The following TBC1D10A variants were observed in gnomAD, a reference collection of about 807,000 sequenced individuals.
The protein encoded by TBC1D10A is TBC1 domain family member 10A, also known as EBP50-PDX interactor of 64 kDa.
In TBC1D10A, 24 loss-of-function variants were observed where a neutral mutation model predicts 52.9. The observed-to-expected ratio is 0.45, with a 90% CI of 0.33 to 0.64. TBC1D10A has a LOEUF of 0.64. Ranked by LOEUF, TBC1D10A falls within the 30% of genes least tolerant of loss-of-function variation. The pLI, the probability that TBC1D10A is intolerant of heterozygous loss-of-function variation, is 0.02. For missense variants in TBC1D10A, 602 were observed against 687.9 expected, an observed-to-expected ratio of 0.88 and a Z score of 1.40; for synonymous variants, 278 against 282.9, an observed-to-expected ratio of 0.98 and a Z score of 0.17.
chr22:30,294,724 A>G, intron 6 of TBC1D10A, 72 bp downstream of exon 6: 1 of 1,601,424 alleles, frequency 6.2e-7, no homozygotes, highest in South Asian at 1.1e-5. Flanking sequence ...AGGAGTTACT[A>G]TGAGAGAAGG....
In TBC1D10A at chr22:30,292,575, C is replaced by T; in HGVS notation, c.1327G>A (p.Gly443Arg). The T allele has an allele frequency of 1.2e-6, 2 of 1,613,778 alleles. No individual in the cohort carries two copies. The highest frequency in any genetic ancestry group is 1.7e-6 in the Non-Finnish European group (2 of 1,179,906). ...GGGGCTGGGGGCTTCTCCAGCTGCC[C>T]TCTCCCCTTCATCTGTTTCCGCTGC... ...KEQRKQMKGRGQLEKPPAPNQ... is the reference protein window; with the variant it reads ...KEQRKQMKGRRQLEKPPAPNQ... The change falls in exon 9 of 9, where the codon GGG (glycine) becomes AGG (arginine). Residue 443 changes from glycine to arginine, a missense_variant. Around this residue, in one of 3 missense-constraint regions of TBC1D10A, gnomAD observed 265 missense variants for 275.1 expected, o/e 0.96. Coordinates refer to ENST00000215790, the MANE Select transcript of TBC1D10A (RefSeq NM_031937.3).
intron 1 of TBC1D10A, among the ~76,000 whole-genome samples, chr22:30,313,663 A>C (rs1930476417): frequency 7.0e-6 from 1 of 143,220 alleles, no homozygotes. Flanking sequence ...AGCCTCCCAA[A>C]GTGTAGGGAT....
intron 1 of TBC1D10A, among the ~76,000 whole-genome samples, chr22:30,308,339 C>T (rs967202578): frequency 2.0e-5 from 3 of 151,696 alleles, no homozygotes; most frequent in Non-Finnish European, 4.4e-5. Context: ...TGCATGCCTG[C>T]CTGCCTGCCT....
intron 1 of TBC1D10A, among the ~76,000 whole-genome samples, chr22:30,314,901 C>T (rs930084827): frequency 1.3e-5 from 2 of 152,036 alleles, no homozygotes; most frequent in African/African-American, 4.8e-5. Flanking sequence ...CAAACTCAGA[C>T]TCCTTCCCCA....
chr22:30,300,755 C>A (rs9619096), intron 2 of TBC1D10A: 22,966 of 152,232 alleles, frequency 0.15, 2,311 homozygotes, highest in South Asian at 0.37. Flanking sequence ...CCACTCTCCT[C>A]TCGTTGACCC....
intron 1 of TBC1D10A, among the ~76,000 whole-genome samples, chr22:30,310,261 C>G (rs1030833920): frequency 6.6e-6 from 1 of 152,170 alleles, no homozygotes; most frequent in Non-Finnish European, 1.5e-5. Flanking sequence ...TAAATGTGTA[C>G]AAGGGCCCAG....
In TBC1D10A at chr22:30,306,791, G is replaced by A. The variant is rs530315465; in HGVS notation, c.210-2161C>T. 2.7e-3 allele frequency among the ~76,000 whole-genome samples: 417 copies of A among 152,300 alleles called. 19 individuals are homozygous for A. In the South Asian group the frequency reaches 0.082, roughly 30 times the overall value. On this transcript the variant is annotated intron_variant, in intron 1 of 8. Transcript: ENST00000215790. ...AGATGGTGAGAAGGAAGACACTGGA[G>A]GTCTGGCTGTACCCAGCACTCAGCG...
chr22:30,307,457 C>T (rs1930331850), intron 1 of TBC1D10A, among the ~76,000 whole-genome samples: 1 of 152,198 alleles, frequency 6.6e-6, no homozygotes, highest in African/African-American at 2.4e-5. Context: ...CTAAAGCTTT[C>T]TTCCCCACCT....
At chr22:30,302,758 AG>A (rs1930227527) in intron 2 of TBC1D10A, among the ~76,000 whole-genome samples, 1 of 152,224 alleles carries the variant, frequency 6.6e-6, no homozygotes, top group Non-Finnish European at 1.5e-5. Context: ...AGGAAAGAAA[AG>A]GGGAAGTGTC....
At chr22:30,293,031 G>T (rs9606715) in intron 8 of TBC1D10A, 180 bp from the exon 9 acceptor site, 16,069 of 679,648 alleles carry the variant, frequency 0.024, 275 homozygotes, top group East Asian at 0.06. Context: ...CTGAGTGCCA[G>T]GTGAGCTGGA....
intron 1 of TBC1D10A, among the ~76,000 whole-genome samples, chr22:30,314,853 C>T (rs1191237903): frequency 2.0e-5 from 3 of 150,632 alleles, no homozygotes; most frequent in East Asian, 3.9e-4. Context: ...AAAAAACCCA[C>T]AAAAAACCCA....
intron 1 of TBC1D10A, among the ~76,000 whole-genome samples, chr22:30,311,347 G>T (rs947895516): frequency 6.6e-6 from 1 of 152,152 alleles, no homozygotes; most frequent in Non-Finnish European, 1.5e-5. Context: ...TCTGTGAGTT[G>T]GTAGGAAAAA....
chr22:30,302,673 G>A (rs1196459311), intron 2 of TBC1D10A, among the ~76,000 whole-genome samples: 1 of 152,246 alleles, frequency 6.6e-6, no homozygotes, highest in Non-Finnish European at 1.5e-5. Flanking sequence ...GGGCCTCTGG[G>A]CACGGTGGAT....
At chr22:30,309,795 A>C (rs1274223439) in intron 1 of TBC1D10A, among the ~76,000 whole-genome samples, 1 of 152,232 alleles carries the variant, frequency 6.6e-6, no homozygotes, top group Non-Finnish European at 1.5e-5. Context: ...ACTGAGACCA[A>C]GGGCTGGGGT....
At chr22:30,316,294 T>C (rs1172003043) in intron 1 of TBC1D10A, among the ~76,000 whole-genome samples, 3 of 151,800 alleles carry the variant, frequency 2.0e-5, no homozygotes, top group Admixed American at 2.0e-4. Flanking sequence ...AAGACCAAGC[T>C]GGGCAAAAAA....
chr22:30,301,043 G>A (rs1020340474), intron 2 of TBC1D10A, among the ~76,000 whole-genome samples: 10 of 152,172 alleles, frequency 6.6e-5, no homozygotes, highest in South Asian at 6.2e-4. Flanking sequence ...GGGAAAATTC[G>A]TGGGGGAAAT....
chr22:30,293,510 C>A, intron 8 of TBC1D10A, 141 bp downstream of exon 8: 2 of 1,242,668 alleles, frequency 1.6e-6, no homozygotes, highest in South Asian at 1.4e-5. Flanking sequence ...AGGATGAGGT[C>A]CACCCACATG....
At chr22:30,299,315 G>A (rs1322922557) in intron 3 of TBC1D10A, 129 bp downstream of exon 3, 6 of 913,010 alleles carry the variant, frequency 6.6e-6, no homozygotes, top group Middle Eastern at 4.5e-4. Context: ...TGGGCAGTTG[G>A]GCACATGACT....
chr22:30,310,724 T>C (rs761197433), intron 1 of TBC1D10A, among the ~76,000 whole-genome samples: 1 of 152,222 alleles, frequency 6.6e-6, no homozygotes, highest in African/African-American at 2.4e-5. Context: ...CTCCATTTAA[T>C]AGACAAGAAC....
Sources: allele counts gnomAD v4.1 joint callset (sites outside exome capture counted in the v4.1 genomes callset), GRCh38; gene constraint gnomAD v4.1.1; regional missense constraint gnomAD v4.1.1; transcripts MANE v1.5; gene names NCBI Gene and HGNC (gene_info 2026-07-23, HGNC 2026-07-21).